The following GPM6A variants were observed in gnomAD, a reference collection of about 807,000 sequenced individuals.
The protein encoded by GPM6A is glycoprotein M6A, also known as neuronal membrane glycoprotein M6-a.
GPM6A carries 7 observed loss-of-function variants against 32.1 expected under a neutral mutation model. The ratio of observed to expected loss-of-function variants is 0.22; its 90% CI spans 0.12 to 0.41. The LOEUF (loss-of-function observed/expected upper bound fraction) is 0.41. GPM6A is among the 10% of genes least tolerant of loss of function. The pLI is 1.00. For missense variants in GPM6A, 235 were observed against 347.2 expected (o/e 0.68, Z 2.57); for synonymous variants, 130 against 123.4 (o/e 1.05, Z -0.35).
chr4:175,654,026 G>C (rs1279816267), intron 3 of GPM6A, among the ~76,000 whole-genome samples: 1 of 152,092 alleles, frequency 6.6e-6, no homozygotes, highest in Non-Finnish European at 1.5e-5. Context: ...TAGGCACCCA[G>C]GCTAAGTGAC....
At chr4:175,893,647 C>T (rs1579604323) in intron 1 of GPM6A, among the ~76,000 whole-genome samples, 1 of 152,130 alleles carries the variant, frequency 6.6e-6, no homozygotes, top group East Asian at 1.9e-4. Flanking sequence ...GATAATATTC[C>T]TTCTTAATGT....
chr4:175,719,231 G>A (rs374305010), intron 1 of GPM6A, among the ~76,000 whole-genome samples: 12 of 148,610 alleles, frequency 8.1e-5, no homozygotes, highest in African/African-American at 2.5e-4. Context: ...AAGGAGTCTC[G>A]CTCTGTCACC....
chr4:175,737,582 T>C (rs2111158742), intron 1 of GPM6A, among the ~76,000 whole-genome samples: 1 of 152,364 alleles, frequency 6.6e-6, no homozygotes, highest in South Asian at 2.1e-4. Context: ...TATAAGAACT[T>C]TCCACATTAC....
At chr4:175,916,503 T>C (rs1409356362) in intron 1 of GPM6A, among the ~76,000 whole-genome samples, 2 of 152,200 alleles carry the variant, frequency 1.3e-5, no homozygotes, top group Non-Finnish European at 2.9e-5. Flanking sequence ...AGGGAAGTTA[T>C]GAGAACTTGT....
intron 1 of GPM6A, among the ~76,000 whole-genome samples, chr4:175,754,739 C>A (rs2111195849): frequency 6.6e-6 from 1 of 152,238 alleles, no homozygotes; most frequent in East Asian, 1.9e-4. Context: ...AATCCAGGGA[C>A]ACAGACAAGG....
chr4:175,694,211 G>A (rs1744447309), intron 2 of GPM6A, among the ~76,000 whole-genome samples: 1 of 152,176 alleles, frequency 6.6e-6, no homozygotes, highest in Non-Finnish European at 1.5e-5. Flanking sequence ...CAGAAAACTG[G>A]TACCAAAGAG....
intron 1 of GPM6A, among the ~76,000 whole-genome samples, chr4:175,839,510 T>G (rs2111382434): frequency 6.6e-6 from 1 of 152,180 alleles, no homozygotes; most frequent in East Asian, 1.9e-4. Flanking sequence ...AAATCTAAAG[T>G]CAAGCCATGA....
intron 2 of GPM6A, among the ~76,000 whole-genome samples, chr4:175,687,564 G>T (rs769695842): frequency 1.6e-4 from 24 of 151,656 alleles, no homozygotes; most frequent in Non-Finnish European, 3.5e-4. Context: ...TTTTCTTTAT[G>T]CATTCATCTA....
intron 1 of GPM6A, among the ~76,000 whole-genome samples, chr4:175,986,974 C>T (rs1740994716): frequency 6.6e-6 from 1 of 152,166 alleles, no homozygotes; most frequent in Admixed American, 6.5e-5. Flanking sequence ...ATAAGTCAGG[C>T]AAATCATTTC....
chr4:175,932,240 A>G (rs1739074681), intron 1 of GPM6A, among the ~76,000 whole-genome samples: 1 of 152,164 alleles, frequency 6.6e-6, no homozygotes, highest in South Asian at 2.1e-4. Context: ...CGGGGCCTTT[A>G]AGAAGTAATT....
chr4:175,752,544 C>G (rs1031795544), intron 1 of GPM6A, among the ~76,000 whole-genome samples: 3 of 152,024 alleles, frequency 2.0e-5, no homozygotes, highest in Non-Finnish European at 4.4e-5. Context: ...AAAGTCGGCT[C>G]CAAGAAGGAA....
At chr4:175,950,800 A>G (rs1191818417) in intron 1 of GPM6A, among the ~76,000 whole-genome samples, 1 of 152,212 alleles carries the variant, frequency 6.6e-6, no homozygotes, top group Non-Finnish European at 1.5e-5. Context: ...TGTCACCTTA[A>G]ATGATTAATA....
intron 2 of GPM6A, among the ~76,000 whole-genome samples, chr4:175,700,943 T>G (rs549575631): frequency 1.8e-4 from 27 of 152,346 alleles, no homozygotes; most frequent in African/African-American, 6.3e-4. Context: ...ATTTTCAGAC[T>G]GTTTAAGTTA....
intron 4 of GPM6A, among the ~76,000 whole-genome samples, chr4:175,650,666 G>A (rs1044607874): frequency 3.9e-5 from 6 of 152,146 alleles, no homozygotes; most frequent in African/African-American, 1.4e-4. Flanking sequence ...CACGGGGACT[G>A]AAGGCTTCAT....
chr4:175,782,262 G>A (rs1410945931), intron 1 of GPM6A, among the ~76,000 whole-genome samples: 2 of 151,954 alleles, frequency 1.3e-5, no homozygotes, highest in Non-Finnish European at 2.9e-5. Flanking sequence ...GTTTCTCAAC[G>A]ATTTTTTTCC....
intron 6 of GPM6A, among the ~76,000 whole-genome samples, chr4:175,638,363 A>G (rs1190922877): frequency 2.0e-5 from 3 of 152,074 alleles, no homozygotes; most frequent in African/African-American, 7.2e-5. Context: ...TAGGTCAATC[A>G]TTTAAGCTAG....
chr4:175,817,283 G>A (rs78438550), intron 1 of GPM6A, among the ~76,000 whole-genome samples: 4,007 of 152,298 alleles, frequency 0.026, 72 homozygotes, highest in Non-Finnish European at 0.042. Context: ...CAGAATGATC[G>A]TGGTGTTCAC....
chr4:175,954,141 G>T (rs1239607428), intron 1 of GPM6A, among the ~76,000 whole-genome samples: 2 of 152,182 alleles, frequency 1.3e-5, no homozygotes, highest in Non-Finnish European at 2.9e-5. Context: ...TGAGAAGGTA[G>T]ACACTAGTCA....
chr4:175,901,628 C>CTTTTTTTTTTTTTTCTT (rs59461626), intron 1 of GPM6A, among the ~76,000 whole-genome samples: 8 of 127,018 alleles, frequency 6.3e-5, no homozygotes, highest in South Asian at 2.4e-4. Flanking sequence ...TTTTCTTTTT[C>CTTTTTTTTTTTTTTCTT]TTTTTTTTTT....
Sources: allele counts gnomAD v4.1 joint callset (sites outside exome capture counted in the v4.1 genomes callset), GRCh38; gene constraint gnomAD v4.1.1; transcripts MANE v1.5; gene names NCBI Gene and HGNC (gene_info 2026-07-23, HGNC 2026-07-21).